Variants in SLC5A4 observed in about 807,000 individuals in gnomAD.
SLC5A4 encodes the protein solute carrier family 5 member 4, also known as probable glucose sensor protein SLC5A4.
Under a neutral mutation model 70.3 loss-of-function variants are expected in SLC5A4, and 55 were observed. The observed-to-expected ratio is 0.78, with a 90% CI of 0.63 to 0.98. The LOEUF (loss-of-function observed/expected upper bound fraction) is 0.98, where lower values mean the gene tolerates loss of function less well. Among genes scored for constraint, SLC5A4 ranks in the 50% least tolerant of loss-of-function variants. The probability of loss-of-function intolerance (pLI) is 0.00; values close to 1 mark genes in which losing one functional copy is unlikely to be tolerated. For missense variants in SLC5A4, 735 were observed against 839.2 expected (o/e 0.88, Z 1.53); for synonymous variants, 268 against 305.7 (o/e 0.88, Z 1.29).
At chr22:32,270,030 T>C in the SLC5A4 span, 2 of 488,480 alleles carry the variant, frequency 4.1e-6, no homozygotes, top group Non-Finnish European at 8.0e-6. Context: ...CGGCCAGTGC[T>C]ATCTGTGAGG....
the SLC5A4 span, among the ~76,000 whole-genome samples, chr22:32,326,504 C>T: frequency 6.6e-6 from 1 of 152,064 alleles, no homozygotes; most frequent in Non-Finnish European, 1.5e-5. Context: ...ATCCACCCGC[C>T]TCGGCCTCTC....
At chr22:32,270,767 G>T in the SLC5A4 span, 264 of 625,194 alleles carry the variant, frequency 4.2e-4, no homozygotes, top group Non-Finnish European at 6.9e-4. Flanking sequence ...GGCAACCCCT[G>T]CGTGGTCATC....
At chr22:32,321,039 G>A in the SLC5A4 span, among the ~76,000 whole-genome samples, 1 of 152,236 alleles carries the variant, frequency 6.6e-6, no homozygotes, top group African/African-American at 2.4e-5. Flanking sequence ...TATAATCCCA[G>A]CATTTTGGGA....
At chr22:32,218,778 A>G in intron 14 of SLC5A4, 53 bp from the exon 15 acceptor site, 3 of 1,404,754 alleles carry the variant, frequency 2.1e-6, no homozygotes, top group Non-Finnish European at 3.0e-6. Flanking sequence ...CAAAGGAACT[A>G]GAAATCCTTG....
At chr22:32,321,526 T>C in the SLC5A4 span, among the ~76,000 whole-genome samples, 1 of 152,170 alleles carries the variant, frequency 6.6e-6, no homozygotes, top group Non-Finnish European at 1.5e-5. Context: ...GCTAAATGTG[T>C]GTCATGGGGG....
At chr22:32,257,238 A>G (rs1269278656), upstream of SLC5A4, among the ~76,000 whole-genome samples, 1 of 152,210 alleles carries the variant, frequency 6.6e-6, no homozygotes, top group Non-Finnish European at 1.5e-5. Context: ...TTCTTCATCC[A>G]TTTAAAAATT....
the SLC5A4 span, among the ~76,000 whole-genome samples, chr22:32,333,989 CAG>C: frequency 2.8e-4 from 33 of 117,826 alleles, no homozygotes; most frequent in Middle Eastern, 4.3e-3. Flanking sequence ...CCATGCAACA[CAG>C]ACACACTACA....
At chr22:32,254,782 C>T (rs1032001827) in intron 1 of SLC5A4, among the ~76,000 whole-genome samples, 8 of 149,694 alleles carry the variant, frequency 5.3e-5, no homozygotes, top group African/African-American at 9.9e-5. Flanking sequence ...CCAGCCTGGA[C>T]GACAGAGCAA....
the SLC5A4 span, among the ~76,000 whole-genome samples, chr22:32,315,036 A>G: frequency 6.6e-6 from 1 of 152,220 alleles, no homozygotes; most frequent in Non-Finnish European, 1.5e-5. Flanking sequence ...TACAGTGAGA[A>G]GGTACTTAAT....
At chr22:32,255,073 A>AT in intron 1 of SLC5A4, 122 bp downstream of exon 1, 1 of 942,704 alleles carries the variant, frequency 1.1e-6, no homozygotes, top group South Asian at 1.5e-5. Context: ...CACACAAGAA[A>AT]ATGATTCTGA....
intron 5 of SLC5A4, among the ~76,000 whole-genome samples, chr22:32,242,263 T>C (rs1395891754): frequency 6.6e-6 from 1 of 152,166 alleles, no homozygotes; most frequent in Admixed American, 6.5e-5. Flanking sequence ...AATAGGTGAC[T>C]CCAGGACTGG....
At chr22:32,299,203 C>T in the SLC5A4 span, among the ~76,000 whole-genome samples, 1 of 106,516 alleles carries the variant, frequency 9.4e-6, no homozygotes, top group Non-Finnish European at 2.0e-5. Context: ...CGTTGGCCTG[C>T]CTTGCTAGAT....
At chr22:32,324,217 A>G in the SLC5A4 span, among the ~76,000 whole-genome samples, 8 of 151,446 alleles carry the variant, frequency 5.3e-5, no homozygotes, top group African/African-American at 2.0e-4. Flanking sequence ...TACCTCATAT[A>G]TATACATATA....
the SLC5A4 span, among the ~76,000 whole-genome samples, chr22:32,353,292 C>T: frequency 6.6e-6 from 1 of 152,110 alleles, no homozygotes; most frequent in Non-Finnish European, 1.5e-5. Flanking sequence ...GCCCTCCCAA[C>T]CCTAGTGCTG....
the SLC5A4 span, among the ~76,000 whole-genome samples, chr22:32,297,382 G>C: frequency 6.6e-6 from 1 of 151,566 alleles, no homozygotes; most frequent in Admixed American, 6.6e-5. Context: ...TTAGTCTTGG[G>C]AGAGTGTACG....
chr22:32,309,963 G>A, the SLC5A4 span, among the ~76,000 whole-genome samples: 1 of 151,412 alleles, frequency 6.6e-6, no homozygotes, highest in African/African-American at 2.4e-5. Flanking sequence ...CCTCAGCCCA[G>A]CTGCCCAAGA....
At chr22:32,305,448 G>T in the SLC5A4 span, among the ~76,000 whole-genome samples, 1 of 148,848 alleles carries the variant, frequency 6.7e-6, no homozygotes, top group African/African-American at 2.5e-5. Context: ...TTGAAGCATC[G>T]GATGACGAGA....
the SLC5A4 span, among the ~76,000 whole-genome samples, chr22:32,304,496 C>G: frequency 6.6e-5 from 10 of 152,258 alleles, no homozygotes; most frequent in African/African-American, 2.2e-4. Context: ...CCAGGCTGAT[C>G]TCGAACTTCT....
chr22:32,308,071 T>C, the SLC5A4 span, among the ~76,000 whole-genome samples: 1 of 152,142 alleles, frequency 6.6e-6, no homozygotes, highest in South Asian at 2.1e-4. Flanking sequence ...CTTCCTTCCT[T>C]CTTACCTACC....
Sources: gnomAD v4.1 joint callset for allele counts (sites outside exome capture counted in the v4.1 genomes callset) on GRCh38, gnomAD v4.1.1 for gene constraint, MANE v1.5 for transcripts, NCBI Gene and HGNC (gene_info 2026-07-23, HGNC 2026-07-21) for gene names.